Variants in NTM observed in about 807,000 individuals in gnomAD.
NTM encodes neurotrimin.
A neutral mutation model predicts 42.1 loss-of-function variants in NTM; 13 were observed. The observed-to-expected ratio is 0.31, with a 90% confidence interval of 0.20 to 0.49. The LOEUF is 0.49. Ranked by LOEUF, NTM falls within the 20% of genes least tolerant of loss-of-function variation. The pLI, the probability that NTM is intolerant of heterozygous loss-of-function variation, is 0.99. For missense variants in NTM, 373 were observed against 452.8 expected (o/e 0.82, Z 1.60); for synonymous variants, 187 against 179.2 (o/e 1.04, Z -0.35).
At chr11:132,099,582 TG>T (rs2061401441) in intron 2 of NTM, among the ~76,000 whole-genome samples, 1 of 152,122 alleles carries the variant, frequency 6.6e-6, no homozygotes, top group Non-Finnish European at 1.5e-5. Context: ...AGGTTATCAG[TG>T]GGTATTGTTC....
At chr11:131,881,567 A>C (rs539229255) in intron 1 of NTM, among the ~76,000 whole-genome samples, 1 of 152,070 alleles carries the variant, frequency 6.6e-6, no homozygotes, top group Admixed American at 6.5e-5. Context: ...AGCATGCAAA[A>C]CACAGCGGAA....
intron 2 of NTM, among the ~76,000 whole-genome samples, chr11:132,118,541 C>T (rs906843385): frequency 1.2e-4 from 19 of 152,318 alleles, no homozygotes; most frequent in African/African-American, 1.2e-4. Flanking sequence ...CCTCGGAACA[C>T]GGGCTTCCTC....
chr11:131,539,637 G>T (rs1409150936), intron 1 of NTM: 1 of 152,316 alleles, frequency 6.6e-6, no homozygotes, highest in Non-Finnish European at 1.5e-5. Flanking sequence ...TGGGCTCTGA[G>T]AATAATCAGG....
At chr11:131,461,524 G>C (rs1017245633) in intron 1 of NTM, among the ~76,000 whole-genome samples, 1 of 152,146 alleles carries the variant, frequency 6.6e-6, no homozygotes, top group South Asian at 2.1e-4. Flanking sequence ...AGATTAGAAG[G>C]GTGCATACCA....
chr11:131,693,322 C>G (rs1294776217), intron 1 of NTM, among the ~76,000 whole-genome samples: 5 of 152,204 alleles, frequency 3.3e-5, no homozygotes, highest in Admixed American at 3.3e-4. Context: ...TCACCTTCAA[C>G]CTGACACTGG....
chr11:132,083,212 T>C (rs955137631), intron 2 of NTM, among the ~76,000 whole-genome samples: 2 of 152,338 alleles, frequency 1.3e-5, no homozygotes, highest in African/African-American at 4.8e-5. Context: ...AAAATGTAGA[T>C]GAAAAACTTA....
rs1402416474 is a variant in NTM at position 131,946,379 on chromosome 11, C to A, written c.167+34731C>A. On this transcript the variant is annotated intron_variant, in intron 2 of 8. Coordinates refer to ENST00000683400, the MANE Select transcript of NTM (RefSeq NM_001352005.2). ...TACCCTTATTTTAGAGAGGAGAATG[C>A]ACCTAAGGCACATACATTGCCACAA... 2.0e-5 allele frequency among the ~76,000 whole-genome samples: 3 copies of A among 152,140 alleles called. No individual in the cohort carries two copies. In the South Asian group the frequency reaches 6.2e-4, roughly 32 times the overall value.
At chr11:131,617,291 G>C (rs962106636) in intron 1 of NTM, among the ~76,000 whole-genome samples, 3 of 152,120 alleles carry the variant, frequency 2.0e-5, no homozygotes, top group Non-Finnish European at 2.9e-5. Flanking sequence ...TCATGTCACA[G>C]GGAAACTGAG....
intron 4 of NTM, among the ~76,000 whole-genome samples, chr11:132,251,764 G>A (rs538766705): frequency 9.2e-5 from 14 of 152,308 alleles, no homozygotes; most frequent in Non-Finnish European, 1.3e-4. Context: ...TCAGTGGTAC[G>A]TATGAATGTG....
chr11:131,518,539 T>A (rs408354), intron 1 of NTM, among the ~76,000 whole-genome samples: 26,301 of 152,158 alleles, frequency 0.17, 2,335 homozygotes, highest in Middle Eastern at 0.23. Context: ...AAGCATGCTA[T>A]TAATAGGACA....
At chr11:131,975,561 A>G (rs1038005076) in intron 2 of NTM, among the ~76,000 whole-genome samples, 31 of 152,236 alleles carry the variant, frequency 2.0e-4, no homozygotes, top group African/African-American at 7.5e-4. Context: ...AAACCTCCAA[A>G]CAAAACCCCA....
At chr11:132,259,393 T>A (rs914607007) in intron 4 of NTM, among the ~76,000 whole-genome samples, 1 of 152,020 alleles carries the variant, frequency 6.6e-6, no homozygotes, top group African/African-American at 2.4e-5. Flanking sequence ...TGTAAAATAG[T>A]TTTTTAGGCC....
chr11:132,210,211 A>G (rs1216113303), intron 3 of NTM, among the ~76,000 whole-genome samples: 2 of 152,198 alleles, frequency 1.3e-5, no homozygotes, highest in Non-Finnish European at 2.9e-5. Flanking sequence ...GCTCTGAGGA[A>G]TAGTTATTCA....
At chr11:132,161,768 C>A (rs1240009861) in intron 3 of NTM, among the ~76,000 whole-genome samples, 2 of 152,190 alleles carry the variant, frequency 1.3e-5, no homozygotes, top group African/African-American at 4.8e-5. Context: ...GCTGCGCCAT[C>A]CCCGGACCCT....
At chr11:132,121,826 G>C (rs536804584) in intron 2 of NTM, among the ~76,000 whole-genome samples, 1 of 152,248 alleles carries the variant, frequency 6.6e-6, no homozygotes, top group African/African-American at 2.4e-5. Context: ...TATCATTAGA[G>C]TTCAATTCTT....
At chr11:132,210,715 C>T (rs1277170873) in intron 3 of NTM, among the ~76,000 whole-genome samples, 7 of 152,154 alleles carry the variant, frequency 4.6e-5, no homozygotes, top group South Asian at 2.1e-4. Flanking sequence ...TGAGGTTCTA[C>T]GACTGGACCC....
At chr11:131,957,601 A>T (rs2061689301) in intron 2 of NTM, among the ~76,000 whole-genome samples, 1 of 152,216 alleles carries the variant, frequency 6.6e-6, no homozygotes, top group African/African-American at 2.4e-5. Flanking sequence ...ATTGTCATTT[A>T]TTCCCACAGA....
intron 1 of NTM, among the ~76,000 whole-genome samples, chr11:131,744,107 A>G (rs1230190359): frequency 6.6e-6 from 1 of 152,206 alleles, no homozygotes; most frequent in African/African-American, 2.4e-5. Context: ...TGTAACTTGA[A>G]GCATGTCTCT....
At position 132,314,557 on chromosome 11, in the gene NTM, T is replaced by A; in HGVS notation, c.788T>A (p.Ile263Asn). The change falls in exon 7 of 9, where the codon ATT becomes AAT. Residue 263 changes from isoleucine to asparagine, a missense_variant. Ile to Asn is a moderately radical substitution (Grantham distance 149, BLOSUM62 -3). This residue lies in a region of NTM where 312 missense variants were observed against 353.5 expected (regional missense o/e 0.88). Transcript: ENST00000683400. ...TTGTCTTTTGTTTCTCTCAGACTGA[T>A]TGAAGGAAAGAAAGGGGTGAAAGTG... is the stretch of plus-strand genomic sequence containing the variant. ...FQWYKDDKRLIEGKKGVKVEN... is the reference protein window; with the variant it reads ...FQWYKDDKRLNEGKKGVKVEN... 1 of 1,611,972 alleles carries A rather than the reference T, an allele frequency of 6.2e-7. No individual in the cohort carries two copies. The highest frequency in any genetic ancestry group is 8.5e-7 in the Non-Finnish European group (1 of 1,179,116).
Sources: allele counts gnomAD v4.1 joint callset (sites outside exome capture counted in the v4.1 genomes callset), GRCh38; gene constraint gnomAD v4.1.1; regional missense constraint gnomAD v4.1.1; transcripts MANE v1.5; gene names NCBI Gene and HGNC (gene_info 2026-07-23, HGNC 2026-07-21).